The following KCNIP4 variants were observed in gnomAD, a reference collection of about 807,000 sequenced individuals.
KCNIP4 encodes Kv channel-interacting protein 4.
In KCNIP4, 12 loss-of-function variants were observed where a neutral mutation model predicts 34.0. That is an observed-to-expected ratio of 0.35 (90% CI 0.23 to 0.57). The LOEUF (loss-of-function observed/expected upper bound fraction) is 0.57, where lower values mean the gene tolerates loss of function less well. Among genes scored for constraint, KCNIP4 ranks in the 20% least tolerant of loss-of-function variants. The pLI, the probability that KCNIP4 is intolerant of heterozygous loss-of-function variation, is 0.83. For synonymous variants in KCNIP4, 124 were observed against 102.2 expected (o/e 1.21, Z -1.29); for missense variants, 238 against 311.7 (o/e 0.76, Z 1.78).
intron 3 of KCNIP4, among the ~76,000 whole-genome samples, chr4:20,797,604 T>C (rs1174971322): frequency 6.6e-6 from 1 of 152,190 alleles, no homozygotes; most frequent in African/African-American, 2.4e-5. Context: ...CCTTTAAAAG[T>C]AGAGCATTTT....
intron 3 of KCNIP4, among the ~76,000 whole-genome samples, chr4:20,833,313 C>A (rs947846010): frequency 6.6e-6 from 1 of 151,988 alleles, no homozygotes; most frequent in African/African-American, 2.4e-5. Flanking sequence ...AGTGAAACCC[C>A]GTCTCTACTA....
At chr4:21,779,037 G>A (rs1472481936) in intron 1 of KCNIP4, among the ~76,000 whole-genome samples, 1 of 149,466 alleles carries the variant, frequency 6.7e-6, no homozygotes, top group Non-Finnish European at 1.5e-5. Context: ...AGAGAGAGAA[G>A]ATTATATTCT....
intron 1 of KCNIP4, among the ~76,000 whole-genome samples, chr4:21,430,929 A>G (rs1726388020): frequency 6.6e-6 from 1 of 152,148 alleles, no homozygotes. Flanking sequence ...ACTTTCCAAA[A>G]AAAAAAGGCA....
chr4:21,422,234 C>T (rs543056564), intron 1 of KCNIP4, among the ~76,000 whole-genome samples: 4 of 147,658 alleles, frequency 2.7e-5, no homozygotes, highest in South Asian at 2.1e-4. Context: ...CTCGCTTTGT[C>T]GCCCAGGCTG....
At chr4:21,535,717 G>A (rs1165610575) in intron 1 of KCNIP4, among the ~76,000 whole-genome samples, 1 of 152,102 alleles carries the variant, frequency 6.6e-6, no homozygotes, top group Non-Finnish European at 1.5e-5. Flanking sequence ...AATGAAATGT[G>A]CTCCATAGTT....
intron 1 of KCNIP4, among the ~76,000 whole-genome samples, chr4:20,959,373 G>A (rs1201523029): frequency 6.6e-6 from 1 of 152,190 alleles, no homozygotes; most frequent in South Asian, 2.1e-4. Context: ...CAGGTTTAAG[G>A]CTTGGCTCCA....
In KCNIP4 at chr4:21,015,603, TTAATA is replaced by T. The variant is rs1304953032; in HGVS notation, c.62-132899_62-132895del. Among the ~76,000 whole-genome samples, 180 of 127,368 alleles carry T rather than the reference TTAATA, an allele frequency of 1.4e-3. 1 individual carries two copies. The highest frequency in any genetic ancestry group is 5.1e-3 in the African/African-American group (158 of 30,844). 83.6% of individuals were successfully genotyped at this position (127,368 alleles called of 152,430 possible). On this transcript the variant is annotated intron_variant, in intron 1 of 8. Transcript: ENST00000382152. ...ATATAATATAATATAGTATATTGTA[TTAATA>T]TAATATAATATAGTATATTGTATTA...
chr4:21,284,030 G>A lies in KCNIP4; in HGVS notation c.62-401321C>T, dbSNP rs553585685. On this transcript the variant is annotated intron_variant, in intron 1 of 8. Coordinates refer to ENST00000382152, the MANE Select transcript of KCNIP4 (RefSeq NM_025221.6). ...AGATTGAGACCATGCTGGCTAACAC[G>A]GTGAAACCCCATCTCTACCAAAAAT... Among the ~76,000 whole-genome samples the A allele has an allele frequency of 6.6e-5, 10 of 151,930 alleles. No homozygotes were observed. The South Asian group carries it at 1.7e-3, about 25-fold the overall frequency.
At chr4:21,089,268 TAA>T (rs976937822) in intron 1 of KCNIP4, among the ~76,000 whole-genome samples, 1 of 152,158 alleles carries the variant, frequency 6.6e-6, no homozygotes, top group Admixed American at 6.5e-5. Context: ...TCTGGTTCTT[TAA>T]AAGTGTTTAG....
intron 1 of KCNIP4, among the ~76,000 whole-genome samples, chr4:21,807,513 T>C (rs1721370247): frequency 6.6e-6 from 1 of 152,260 alleles, no homozygotes; most frequent in Non-Finnish European, 1.5e-5. Context: ...GTTACCTATA[T>C]AATCAATACA....
intron 1 of KCNIP4, among the ~76,000 whole-genome samples, chr4:21,586,825 A>C (rs1026403373): frequency 1.3e-5 from 2 of 152,064 alleles, no homozygotes; most frequent in African/African-American, 4.8e-5. Flanking sequence ...AAAAAATGTA[A>C]TCATCACTTA....
intron 1 of KCNIP4, among the ~76,000 whole-genome samples, chr4:21,585,070 G>C (rs555186835): frequency 6.6e-6 from 1 of 152,154 alleles, no homozygotes; most frequent in Admixed American, 6.6e-5. Context: ...GCCAAATATA[G>C]TTGTTTCATA....
intron 1 of KCNIP4, among the ~76,000 whole-genome samples, chr4:20,919,323 T>C (rs1480678617): frequency 2.0e-5 from 3 of 152,054 alleles, no homozygotes; most frequent in African/African-American, 7.2e-5. Context: ...GTGTGGATGA[T>C]GGATGAGTCC....
chr4:21,276,399 A>C (rs1762444141), intron 1 of KCNIP4, among the ~76,000 whole-genome samples: 1 of 137,638 alleles, frequency 7.3e-6, no homozygotes, highest in Non-Finnish European at 1.5e-5. Flanking sequence ...ACAGTGTTTC[A>C]CCATGTTGGC....
chr4:20,915,519 A>T (rs926265852), intron 1 of KCNIP4, among the ~76,000 whole-genome samples: 3 of 152,222 alleles, frequency 2.0e-5, no homozygotes, highest in African/African-American at 4.8e-5. Context: ...GTTCTGCAAA[A>T]TAAAGAAAAT....
chr4:21,429,718 T>C (rs1368453646), intron 1 of KCNIP4, among the ~76,000 whole-genome samples: 1 of 152,232 alleles, frequency 6.6e-6, no homozygotes, highest in Non-Finnish European at 1.5e-5. Flanking sequence ...TTGCAATTTC[T>C]GAATAACTTT....
At chr4:21,715,504 AG>A (rs1049222890) in intron 1 of KCNIP4, among the ~76,000 whole-genome samples, 3 of 152,146 alleles carry the variant, frequency 2.0e-5, no homozygotes, top group Admixed American at 1.3e-4. Context: ...AGTATGAATG[AG>A]GGGGACAACT....
At chr4:21,886,379 C>T (rs1290856648) in intron 1 of KCNIP4, among the ~76,000 whole-genome samples, 1 of 152,144 alleles carries the variant, frequency 6.6e-6, no homozygotes, top group African/African-American at 2.4e-5. Context: ...ACACTACATC[C>T]TATCTTCTCT....
chr4:21,528,780 G>GA lies in KCNIP4; in HGVS notation c.61+419790dup, dbSNP rs1736351745. 3.7e-4 allele frequency among the ~76,000 whole-genome samples: 4 copies of GA among 10,720 alleles called. 2 individuals are homozygous for GA. Among genetic ancestry groups the GA allele is most frequent in the Non-Finnish European group, 7.2e-4 (4 of 5,528 alleles). The allele number at this position is 10,720 out of a possible 152,430, so 7.0% of individuals were successfully genotyped here. On this transcript the variant is annotated intron_variant, in intron 1 of 8. Coordinates refer to ENST00000382152, the MANE Select transcript of KCNIP4 (RefSeq NM_025221.6). Reference sequence around the variant, plus strand: ...GAAAGAAAGAAAGAAAGAAAGAAAGGAAGAAAGGAAGAAAGGAAGAAAGGA... The same window carrying GA: ...GAAAGAAAGAAAGAAAGAAAGAAAGGAAAGAAAGGAAGAAAGGAAGAAAGGA...
Sources: allele counts gnomAD v4.1 joint callset (sites outside exome capture counted in the v4.1 genomes callset), GRCh38; gene constraint gnomAD v4.1.1; transcripts MANE v1.5; gene names NCBI Gene and HGNC (gene_info 2026-07-23, HGNC 2026-07-21).